Variants in ATP1A2 observed in about 807,000 individuals in gnomAD.
ATP1A2 encodes the protein ATPase Na+/K+ transporting subunit alpha 2.
Under a neutral mutation model 113.1 loss-of-function variants are expected in ATP1A2, and 56 were observed. The ratio of observed to expected loss-of-function variants is 0.49; its 90% CI spans 0.40 to 0.62. The LOEUF is 0.62. Among genes scored for constraint, ATP1A2 ranks in the 20% least tolerant of loss-of-function variants. The pLI, the probability that ATP1A2 is intolerant of heterozygous loss-of-function variation, is 0.00. For synonymous variants in ATP1A2, 490 were observed against 526.8 expected (o/e 0.93, Z 0.96); for missense variants, 712 against 1,357.8 (o/e 0.52, Z 7.47).
In ATP1A2 at chr1:160,121,242, C is replaced by T. The variant is rs377335018; in HGVS notation, c.168C>T (p.Asp56=). 2.5e-6 allele frequency: 4 copies of T among 1,614,102 alleles called. No individual in the cohort carries two copies. The highest frequency in any genetic ancestry group is 1.7e-6 in the Non-Finnish European group (2 of 1,180,046). ...AGCTGGGCCGCAAATACCAAGTGGA[C>T]CTGTCCAAGGTGAGTGGAGGGGCTT... ...LDELGRKYQV[D]LSKGLTNQRA... is the part of the protein sequence containing the mutation. Residue 56 remains aspartate (D), a synonymous_variant, in exon 3 of 23, where the codon GAC becomes GAT. Transcript: ENST00000361216.
At chr1:160,140,711 C>T (rs769637861) in intron 22 of ATP1A2, 3 of 167,900 alleles carry the variant, frequency 1.8e-5, no homozygotes, top group Non-Finnish European at 3.9e-5. Flanking sequence ...TGGGCGTTTG[C>T]ATTTTCACCC....
chr1:160,118,940 C>T (rs1211268262), intron 1 of ATP1A2, among the ~76,000 whole-genome samples: 1 of 152,030 alleles, frequency 6.6e-6, no homozygotes, highest in African/African-American at 2.4e-5. Flanking sequence ...TGAAGCTATT[C>T]CATATGATAC....
In ATP1A2 at chr1:160,134,540, G is replaced by A; in HGVS notation, c.1884G>A (p.Val628=). Residue 628 remains valine, a synonymous_variant, in exon 14 of 23, where the codon GTG becomes GTA. Coordinates refer to ENST00000361216, the MANE Select transcript of ATP1A2 (RefSeq NM_000702.4). Reference sequence around the variant, plus strand: ...CAGCCAAGGCCATTGCCAAAGGCGTGGGCATCATATCAGAGGGTAACGAGA... The same window carrying A: ...CAGCCAAGGCCATTGCCAAAGGCGTAGGCATCATATCAGAGGGTAACGAGA... ...PITAKAIAKG[V]GIISEGNETV... The A allele has an allele frequency of 1.2e-6, 2 of 1,614,188 alleles. No homozygotes were observed.
At chr1:160,131,926 A>C (rs1651787495) in intron 13 of ATP1A2, among the ~76,000 whole-genome samples, 1 of 152,172 alleles carries the variant, frequency 6.6e-6, no homozygotes, top group Non-Finnish European at 1.5e-5. Flanking sequence ...TGGGACTATG[A>C]AGCATGATCT....
chr1:160,130,634 C>T (rs1387338053), intron 13 of ATP1A2, 37 bp downstream of exon 13: 1 of 1,613,664 alleles, frequency 6.2e-7, no homozygotes, highest in Admixed American at 1.7e-5. Context: ...TTCTAGCCTC[C>T]CCCATGCCAG....
intron 17 of ATP1A2, 115 bp downstream of exon 17, chr1:160,136,108 A>C (rs1570994861): frequency 4.4e-6 from 7 of 1,597,106 alleles, no homozygotes; most frequent in Non-Finnish European, 5.1e-6. Context: ...GGAGACAGGC[A>C]CAGGCCTGGA....
chr1:160,123,131 C>T (rs372138843), intron 3 of ATP1A2, 82 bp from the exon 4 acceptor site: 13 of 1,514,294 alleles, frequency 8.6e-6, no homozygotes, highest in Non-Finnish European at 1.2e-5. Flanking sequence ...TCTTCCCATG[C>T]CCGGGAGCTG....
chr1:160,137,224 A>G (rs1651981143), intron 20 of ATP1A2, 193 bp downstream of exon 20: 2 of 878,230 alleles, frequency 2.3e-6, no homozygotes, highest in Middle Eastern at 3.4e-4. Context: ...CTAATTTTGC[A>G]TTTTGTTATT....
chr1:160,134,802 A>G lies in ATP1A2; in HGVS notation c.1964+182A>G, dbSNP rs181315928. On this transcript the variant is annotated intron_variant, in intron 14 of 22. Transcript: ENST00000361216. The stretch of plus-strand genomic sequence containing the variant: ...ATCCAGGCTGTGCCACTGAATACCC[A>G]TGTAACCTTGGAGATGTCACATTCC... 1.3e-3 allele frequency among the ~76,000 whole-genome samples: 201 copies of G among 152,306 alleles called. 2 individuals are homozygous for G. The highest frequency in any genetic ancestry group is 4.7e-3 in the African/African-American group (196 of 41,562).
Position 160,141,522 on chromosome 1 carries a change from A to T in ATP1A2, c.*200A>T. On this transcript the variant is annotated 3_prime_UTR_variant, in exon 23 of 23. Transcript: ENST00000361216. ...CATAGACCTAACTGTGAACAATCAG[A>T]TTAGACACTATGTGTTAGAGTCCCC... 1 of 667,642 alleles carries T rather than the reference A, an allele frequency of 1.5e-6. No homozygotes were observed. The highest frequency in any genetic ancestry group is 1.7e-5 in the South Asian group (1 of 58,858). 41.4% of individuals were successfully genotyped at this position (667,642 alleles called of 1,614,324 possible).
intron 1 of ATP1A2, 80 bp from the exon 2 acceptor site, chr1:160,120,826 G>A (rs1651368687): frequency 7.0e-7 from 1 of 1,437,032 alleles, no homozygotes; most frequent in East Asian, 2.5e-5. Context: ...CCCACTGCCT[G>A]GGCTCCCTGG....
chr1:160,137,359 C>T (rs1006740720), intron 20 of ATP1A2, among the ~76,000 whole-genome samples: 4 of 152,124 alleles, frequency 2.6e-5, no homozygotes, highest in African/African-American at 9.7e-5. Context: ...CCACCCCTCC[C>T]CTGGCCTTCC....
At position 160,136,178 on chromosome 1, in the gene ATP1A2, A is replaced by G. The variant is rs3747627; in HGVS notation, c.2440-69A>G. 224 of 1,609,930 alleles carry G rather than the reference A, an allele frequency of 1.4e-4. 2 individuals are homozygous for G. In the East Asian group the frequency reaches 4.7e-3, roughly 34 times the overall value. ...GTGTCAACGATCGTCACTGTCGAAG[A>G]TCAATTGCTTCTGTCATCTCCTACG... is the stretch of plus-strand genomic sequence containing the variant. On this transcript the variant is annotated intron_variant, in intron 17 of 22. Coordinates refer to ENST00000361216, the MANE Select transcript of ATP1A2 (RefSeq NM_000702.4).
intron 7 of ATP1A2, chr1:160,125,515 C>G (rs1651560428): frequency 2.0e-6 from 1 of 507,730 alleles, no homozygotes; most frequent in African/African-American, 1.9e-5. Flanking sequence ...GATTTCAAAG[C>G]TTTCAGGTAT....
intron 8 of ATP1A2, 115 bp downstream of exon 8, chr1:160,127,935 A>T: frequency 3.7e-6 from 5 of 1,364,126 alleles, no homozygotes; most frequent in Non-Finnish European, 4.9e-6. Context: ...AGAGTCACTT[A>T]TTGGATGCGA....
intron 20 of ATP1A2, among the ~76,000 whole-genome samples, chr1:160,138,165 CCACCACAGGCCT>C (rs1652015634): frequency 6.6e-6 from 1 of 152,164 alleles, no homozygotes; most frequent in African/African-American, 2.4e-5. Context: ...AGTACTAATA[CCACCACAGGCCT>C]CACCTTAGGT....
chr1:160,141,223 C>A lies in ATP1A2; in HGVS notation c.3035-71C>A, dbSNP rs79875494. 5 of 1,594,628 alleles carry A rather than the reference C, an allele frequency of 3.1e-6. No homozygotes were observed. The African/African-American group carries it at 4.0e-5, about 13-fold the overall frequency. On this transcript the variant is annotated intron_variant, in intron 22 of 22. Transcript: ENST00000361216. ...TTCCACCTGGCTTCAGCGACCCAAG[C>A]CCCTAGGAAATTGATCTCTTGCCTC...
At chr1:160,136,082 A>C in intron 17 of ATP1A2, 89 bp downstream of exon 17, 1 of 1,608,858 alleles carries the variant, frequency 6.2e-7, no homozygotes, top group East Asian at 2.2e-5. Context: ...CAGTGGCCCC[A>C]GCTGTGGGGG....
At chr1:160,117,787 C>A (rs1321725856) in intron 1 of ATP1A2, among the ~76,000 whole-genome samples, 1 of 152,076 alleles carries the variant, frequency 6.6e-6, no homozygotes, top group Non-Finnish European at 1.5e-5. Context: ...TGGGAGGGAG[C>A]CCAGCCTGCT....
Sources: gnomAD v4.1 joint callset for allele counts (sites outside exome capture counted in the v4.1 genomes callset) on GRCh38, gnomAD v4.1.1 for gene constraint, MANE v1.5 for transcripts, NCBI Gene and HGNC (gene_info 2026-07-23, HGNC 2026-07-21) for gene names.